Variants in TMEM232 observed in about 807,000 individuals in gnomAD.
TMEM232 encodes transmembrane protein 232.
Under a neutral mutation model 78.8 loss-of-function variants are expected in TMEM232, and 80 were observed. The ratio of observed to expected loss-of-function variants is 1.01; its 90% confidence interval spans 0.85 to 1.22. The LOEUF is 1.22. TMEM232 is among the 50% of genes most tolerant of loss of function. The probability of loss-of-function intolerance (pLI) is 0.00; values close to 1 mark genes in which losing one functional copy is unlikely to be tolerated. For missense variants in TMEM232, 881 were observed against 742.2 expected (o/e 1.19, Z -2.17); for synonymous variants, 297 against 254.3 (o/e 1.17, Z -1.60).
At chr5:110,557,888 G>C (rs575975073) in intron 11 of TMEM232, among the ~76,000 whole-genome samples, 1 of 152,178 alleles carries the variant, frequency 6.6e-6, no homozygotes, top group Non-Finnish European at 1.5e-5. Context: ...AGTTGCCAGA[G>C]TTCTTGTACA....
chr5:110,575,920 C>G (rs557633685), intron 10 of TMEM232, among the ~76,000 whole-genome samples: 35 of 152,092 alleles, frequency 2.3e-4, no homozygotes, highest in African/African-American at 7.9e-4. Flanking sequence ...GATGTTCTTG[C>G]TTTCTGGGCT....
At position 110,455,071 on chromosome 5, in the gene TMEM232, G is replaced by A. The variant is rs114036558; in HGVS notation, c.1704-30155C>T. On this transcript the variant is annotated intron_variant, in intron 12 of 13. Transcript: ENST00000455884. The stretch of plus-strand genomic sequence containing the variant: ...ATGCAATGGGCAAATTCCTTGAAAG[G>A]TATAAACTATAAACTACCAAAGTTT... Among the ~76,000 whole-genome samples, 546 of 152,066 alleles carry A rather than the reference G, an allele frequency of 3.6e-3. 3 individuals carry two copies. The highest frequency in any genetic ancestry group is 6.2e-3 in the Non-Finnish European group (423 of 67,976).
chr5:110,676,730 CT>C (rs1216708730), intron 1 of TMEM232, among the ~76,000 whole-genome samples: 1 of 133,580 alleles, frequency 7.5e-6, no homozygotes, highest in East Asian at 2.2e-4. Context: ...GACCCTTCAT[CT>C]TTTATTTATT....
intron 2 of TMEM232, among the ~76,000 whole-genome samples, chr5:110,399,225 T>C (rs1475380938): frequency 2.6e-5 from 4 of 152,060 alleles, no homozygotes; most frequent in Non-Finnish European, 5.9e-5. Context: ...AGCATAGCCA[T>C]TAATCCTGCT....
At chr5:110,414,727 C>T (rs458148), downstream of TMEM232, among the ~76,000 whole-genome samples, 42,293 of 151,694 alleles carry the variant, frequency 0.28, 9,849 homozygotes, top group African/African-American at 0.63. Flanking sequence ...TTCCTTTTCC[C>T]TCCATTCTCT....
intron 2 of TMEM232, among the ~76,000 whole-genome samples, chr5:110,666,427 T>C (rs1790601056): frequency 6.6e-6 from 1 of 152,180 alleles, no homozygotes; most frequent in Non-Finnish European, 1.5e-5. Flanking sequence ...AATTTTTAAA[T>C]GCAATTAAAA....
intron 12 of TMEM232, among the ~76,000 whole-genome samples, chr5:110,514,158 T>C (rs1768229313): frequency 6.6e-6 from 1 of 152,176 alleles, no homozygotes; most frequent in South Asian, 2.1e-4. Flanking sequence ...AACATTTTCT[T>C]TCATACTATG....
chr5:110,444,280 G>C (rs1234907873), intron 12 of TMEM232, among the ~76,000 whole-genome samples: 1 of 152,098 alleles, frequency 6.6e-6, no homozygotes, highest in Admixed American at 6.6e-5. Context: ...CCTTTGGCTA[G>C]GGCTGATCCA....
At chr5:110,659,040 A>G (rs1221809989) in intron 2 of TMEM232, among the ~76,000 whole-genome samples, 20 of 152,152 alleles carry the variant, frequency 1.3e-4, no homozygotes. Context: ...AGGAAATGGA[A>G]TAGAACCCTC....
At chr5:110,669,343 T>G (rs998429491) in intron 1 of TMEM232, among the ~76,000 whole-genome samples, 3 of 152,134 alleles carry the variant, frequency 2.0e-5, no homozygotes, top group African/African-American at 7.2e-5. Flanking sequence ...CAGAGAATAC[T>G]ATAAACACCT....
intron 1 of TMEM232, among the ~76,000 whole-genome samples, chr5:110,715,538 C>T (rs796954727): frequency 1.1e-4 from 17 of 152,146 alleles, no homozygotes; most frequent in South Asian, 4.2e-4. Context: ...ATAAAATATC[C>T]GAATATCTTT....
chr5:110,509,267 A>G (rs1767403557), intron 12 of TMEM232, among the ~76,000 whole-genome samples: 1 of 151,616 alleles, frequency 6.6e-6, no homozygotes, highest in South Asian at 2.1e-4. Flanking sequence ...TTGTCTGTAC[A>G]AAAATAAAAA....
chr5:110,703,459 T>C (rs1022791363), intron 1 of TMEM232, among the ~76,000 whole-genome samples: 1 of 152,082 alleles, frequency 6.6e-6, no homozygotes, highest in Non-Finnish European at 1.5e-5. Context: ...AAATATCCAA[T>C]TTGTTCAAAG....
chr5:110,706,331 G>A (rs1230170118), intron 1 of TMEM232, among the ~76,000 whole-genome samples: 2 of 152,100 alleles, frequency 1.3e-5, no homozygotes, highest in Admixed American at 6.6e-5. Context: ...CAAAATGTAT[G>A]TTCTTTTCTA....
At chr5:110,686,796 A>G (rs900781368) in intron 1 of TMEM232, among the ~76,000 whole-genome samples, 135 of 152,318 alleles carry the variant, frequency 8.9e-4, no homozygotes, top group African/African-American at 3.1e-3. Context: ...ATAAAAAATA[A>G]AAGAACATAA....
intron 8 of TMEM232, among the ~76,000 whole-genome samples, chr5:110,612,187 G>A (rs1782386675): frequency 6.6e-6 from 1 of 152,082 alleles, no homozygotes; most frequent in Non-Finnish European, 1.5e-5. Context: ...ACAGACCCTG[G>A]GGTTCATAGG....
chr5:110,531,489 T>G (rs1771474150), intron 11 of TMEM232, among the ~76,000 whole-genome samples: 1 of 152,200 alleles, frequency 6.6e-6, no homozygotes, highest in Admixed American at 6.5e-5. Flanking sequence ...GTGGCCTCTT[T>G]TTACTCTCTT....
At chr5:110,679,206 T>C (rs190347150) in intron 1 of TMEM232, among the ~76,000 whole-genome samples, 250 of 152,336 alleles carry the variant, frequency 1.6e-3, no homozygotes, top group African/African-American at 5.6e-3. Context: ...GTCAGTGTTC[T>C]GACTTTTGGC....
At chr5:110,567,774 G>T (rs1241987317) in intron 11 of TMEM232, among the ~76,000 whole-genome samples, 1 of 151,874 alleles carries the variant, frequency 6.6e-6, no homozygotes, top group Non-Finnish European at 1.5e-5. Context: ...TCATGATATG[G>T]CTGTGTTCAG....
Sources: allele counts gnomAD v4.1 joint callset (sites outside exome capture counted in the v4.1 genomes callset), GRCh38; gene constraint gnomAD v4.1.1; transcripts MANE v1.5; gene names NCBI Gene and HGNC (gene_info 2026-07-23, HGNC 2026-07-21).